ARPC1A: variants seen among roughly 807,000 people sequenced by gnomAD.
ARPC1A encodes actin-related protein 2/3 complex subunit 1A.
In ARPC1A, 8 loss-of-function variants were observed where a neutral mutation model predicts 46.9. The ratio of observed to expected loss-of-function variants is 0.17; its 90% CI spans 0.10 to 0.31. The LOEUF is 0.31. ARPC1A is among the 10% of genes least tolerant of loss of function. The pLI is 1.00. For missense variants in ARPC1A, 286 were observed against 483.6 expected (o/e 0.59, Z 3.83); for synonymous variants, 152 against 169.0 (o/e 0.90, Z 0.78).
In ARPC1A at chr7:99,365,910, A is replaced by G; in HGVS notation, c.1094A>G (p.Gln365Arg). 4 of 1,575,718 alleles carry G rather than the reference A, an allele frequency of 2.5e-6. No individual in the cohort carries two copies. The highest frequency in any genetic ancestry group is 2.3e-5 in the East Asian group (1 of 43,788). ...TCCAAGACCCTCGAGTCTTCCATCC[A>G]GGGCCTCCGGATAATGTGAAGCTGA... ...WDFKTLESSI[Q>R]GLRIM The change falls in exon 10 of 10, where the codon CAG becomes CGG. Residue 365 changes from glutamine to arginine, a missense_variant. Physicochemically the swap from Gln to Arg is conservative, Grantham distance 43 (BLOSUM62 1). This residue lies in a region of ARPC1A where 182 missense variants were observed against 276.7 expected (regional missense o/e 0.66). Coordinates refer to ENST00000262942, the MANE Select transcript of ARPC1A (RefSeq NM_006409.4).
intron 8 of ARPC1A, chr7:99,360,326 ATTT>A (rs1183973949): frequency 4.3e-5 from 6 of 140,922 alleles, no homozygotes; most frequent in Admixed American, 7.1e-5. Context: ...AGAAAGTTTA[ATTT>A]TTTTTTTTTT....
intron 1 of ARPC1A, among the ~76,000 whole-genome samples, chr7:99,327,143 A>C (rs1196867038): frequency 6.6e-6 from 1 of 151,530 alleles, no homozygotes; most frequent in Non-Finnish European, 1.5e-5. Context: ...TCAGTCAGGA[A>C]GGTGTTTTTG....
At chr7:99,359,340 G>C (rs991731901) in intron 7 of ARPC1A, among the ~76,000 whole-genome samples, 2 of 151,854 alleles carry the variant, frequency 1.3e-5, no homozygotes, top group African/African-American at 4.8e-5. Context: ...GGAGGCTGAG[G>C]CAGGAGAATT....
intron 8 of ARPC1A, among the ~76,000 whole-genome samples, chr7:99,362,084 C>T (rs1482689028): frequency 6.6e-6 from 1 of 151,996 alleles, no homozygotes; most frequent in African/African-American, 2.4e-5. Context: ...CACTTGAGGT[C>T]AGGTGGTCAA....
At chr7:99,356,068 T>C (rs911776948) in intron 6 of ARPC1A, among the ~76,000 whole-genome samples, 5 of 152,204 alleles carry the variant, frequency 3.3e-5, no homozygotes, top group African/African-American at 4.8e-5. Context: ...TCTTCTTTTA[T>C]AAATCTTTGT....
chr7:99,360,009 A>T, intron 8 of ARPC1A: 1 of 495,016 alleles, frequency 2.0e-6, no homozygotes, highest in Non-Finnish European at 3.7e-6. Flanking sequence ...CCTTGTTGCA[A>T]TCTGAGGTGG....
At chr7:99,326,622 C>T (rs1793052302) in intron 1 of ARPC1A, among the ~76,000 whole-genome samples, 1 of 152,210 alleles carries the variant, frequency 6.6e-6, no homozygotes, top group African/African-American at 2.4e-5. Flanking sequence ...TTGAGTGATC[C>T]TGGGAAGATG....
chr7:99,349,285 ACTC>A (rs2150868233), intron 5 of ARPC1A, among the ~76,000 whole-genome samples: 1 of 151,432 alleles, frequency 6.6e-6, no homozygotes, highest in South Asian at 2.1e-4. Flanking sequence ...TTGGTCTTGA[ACTC>A]CTGGCCTCAA....
chr7:99,330,591 A>T (rs1044533886), intron 1 of ARPC1A, among the ~76,000 whole-genome samples: 3 of 152,258 alleles, frequency 2.0e-5, no homozygotes, highest in Non-Finnish European at 4.4e-5. Flanking sequence ...CTGGGATTAC[A>T]GGCTTGAGCC....
chr7:99,338,914 G>A (rs1036765071), intron 3 of ARPC1A, among the ~76,000 whole-genome samples: 11 of 152,138 alleles, frequency 7.2e-5, no homozygotes, highest in African/African-American at 2.4e-4. Flanking sequence ...ACGAAAACGT[G>A]CGCCAAACTA....
chr7:99,344,573 G>C, intron 4 of ARPC1A, 58 bp downstream of exon 4: 1 of 1,531,542 alleles, frequency 6.5e-7, no homozygotes, highest in Non-Finnish European at 9.0e-7. Context: ...TTGCACTGCT[G>C]TGTGAGGGCT....
intron 2 of ARPC1A, 151 bp from the exon 3 acceptor site, chr7:99,338,030 T>A: frequency 2.0e-6 from 1 of 511,692 alleles, no homozygotes; most frequent in Non-Finnish European, 3.5e-6. Context: ...AAAAAAAAAA[T>A]GGAATTATTC....
At chr7:99,328,900 G>C (rs1247636323) in intron 1 of ARPC1A, among the ~76,000 whole-genome samples, 2 of 151,824 alleles carry the variant, frequency 1.3e-5, no homozygotes, top group Admixed American at 6.6e-5. Context: ...GCAGTGAACT[G>C]AGATCACACC....
In ARPC1A at chr7:99,340,449, C is replaced by CT. The variant is rs1013692096; in HGVS notation, c.169+2172dup. Among the ~76,000 whole-genome samples the CT allele has an allele frequency of 1.8e-4, 17 of 96,616 alleles. No individual in the cohort carries two copies. The East Asian group carries it at 1.9e-3, about 11-fold the overall frequency. 63.4% of individuals were successfully genotyped at this position (96,616 alleles called of 152,430 possible). A position where few individuals can be genotyped will look rare whatever the true frequency, so the allele number is the denominator to read the frequency against. ...AAGTGTTGAGATTACAGGTGTGACCCTTTTTTTTCTTTTAGACAGGGTCTT... is the reference window on the plus strand; with the variant it reads ...AAGTGTTGAGATTACAGGTGTGACCCTTTTTTTTTCTTTTAGACAGGGTCTT... On this transcript the variant is annotated intron_variant, in intron 3 of 9. Transcript: ENST00000262942.
chr7:99,330,873 T>A (rs755015302), intron 1 of ARPC1A, among the ~76,000 whole-genome samples: 2 of 152,206 alleles, frequency 1.3e-5, no homozygotes, highest in Non-Finnish European at 1.5e-5. Flanking sequence ...GAAGGCTGGC[T>A]GCTTTTTGAA....
rs949318162 is a variant in ARPC1A at position 99,365,776 on chromosome 7, C to G, written c.1075-115C>G. On this transcript the variant is annotated intron_variant, in intron 9 of 9. Transcript: ENST00000262942. ...AGATCCTGTTTCAGGTGGGGCAGGG[C>G]CAGGTTCAGGGTGGGGACAGGCAGA... is the stretch of plus-strand genomic sequence containing the variant. 7 of 1,129,066 alleles carry G rather than the reference C, an allele frequency of 6.2e-6. No individual in the cohort carries two copies. The African/African-American group carries it at 1.1e-4, about 17-fold the overall frequency. The allele number at this position is 1,129,066 out of a possible 1,614,324, so 69.9% of individuals were successfully genotyped here. A position where few individuals can be genotyped will look rare whatever the true frequency, so the allele number is the denominator to read the frequency against.
At position 99,358,375 on chromosome 7, in the gene ARPC1A, T is replaced by G. The variant is rs761612783; in HGVS notation, c.749T>G (p.Leu250Arg). Residue 250 changes from leucine (L) to arginine (R), a missense_variant, in exon 7 of 10, where the codon CTA (leucine) becomes CGA (arginine). Transcript: ENST00000262942. Reference sequence around the variant, plus strand: ...CTGAAGACAGAGTTCCTGCCGCTCCTAAGTGTGTCATTTGTCTCAGAGAAC... The same window carrying G: ...CTGAAGACAGAGTTCCTGCCGCTCCGAAGTGTGTCATTTGTCTCAGAGAAC... The part of the protein sequence containing the change: ...STLKTEFLPL[L>R]SVSFVSENSV... 1.2e-6 allele frequency: 2 copies of G among 1,614,136 alleles called. No homozygotes were observed. Among genetic ancestry groups the G allele is most frequent in the South Asian group, 2.2e-5 (2 of 91,080 alleles).
At chr7:99,354,811 G>A (rs1163919855) in intron 6 of ARPC1A, among the ~76,000 whole-genome samples, 1 of 151,930 alleles carries the variant, frequency 6.6e-6, no homozygotes, top group East Asian at 1.9e-4. Flanking sequence ...GTGAAACCCT[G>A]TCTCTAATAA....
chr7:99,335,724 G>A (rs959321832), intron 2 of ARPC1A, among the ~76,000 whole-genome samples: 3 of 152,122 alleles, frequency 2.0e-5, no homozygotes, highest in Admixed American at 6.6e-5. Context: ...GGAGGCCAAG[G>A]CAGGCAGATC....
Sources: allele counts gnomAD v4.1 joint callset (sites outside exome capture counted in the v4.1 genomes callset), GRCh38; gene constraint gnomAD v4.1.1; regional missense constraint gnomAD v4.1.1; transcripts MANE v1.5; gene names NCBI Gene and HGNC (gene_info 2026-07-23, HGNC 2026-07-21).